The following GOLM2 variants were observed in gnomAD, a reference collection of about 807,000 sequenced individuals.
GOLM2 encodes golgi membrane protein 2.
Under a neutral mutation model 55.9 loss-of-function variants are expected in GOLM2, and 26 were observed. The observed-to-expected ratio is 0.47, with a 90% confidence interval of 0.34 to 0.65. GOLM2 has a LOEUF of 0.65. Ranked by LOEUF, GOLM2 falls within the 30% of genes least tolerant of loss-of-function variation. The pLI is 0.01. For missense variants in GOLM2, 486 were observed against 531.8 expected, an observed-to-expected ratio of 0.91 and a Z score of 0.85; for synonymous variants, 165 against 194.6, an observed-to-expected ratio of 0.85 and a Z score of 1.27.
chr15:44,332,224 T>A, intron 4 of GOLM2, 146 bp downstream of exon 4: 1 of 543,524 alleles, frequency 1.8e-6, no homozygotes, highest in Non-Finnish European at 3.3e-6. Context: ...AATGGCTTTA[T>A]TTCTGAGTAA....
chr15:44,362,783 C>T (rs925902606), intron 6 of GOLM2, among the ~76,000 whole-genome samples: 2,834 of 152,302 alleles, frequency 0.019, 80 homozygotes, highest in African/African-American at 0.065. Context: ...TGCTACCTGA[C>T]TTCAAACTAT....
At chr15:44,361,723 G>T (rs2079241280) in intron 6 of GOLM2, among the ~76,000 whole-genome samples, 1 of 152,088 alleles carries the variant, frequency 6.6e-6, no homozygotes, top group African/African-American at 2.4e-5. Context: ...TGATACCAAA[G>T]CCAGGCAGAG....
intron 1 of GOLM2, among the ~76,000 whole-genome samples, chr15:44,300,502 C>T (rs1230604918): frequency 6.6e-6 from 1 of 152,100 alleles, no homozygotes; most frequent in Non-Finnish European, 1.5e-5. Context: ...GATCATAAAA[C>T]AAGCTGCTTT....
chr15:44,290,721 C>G (rs1217498477), intron 1 of GOLM2, among the ~76,000 whole-genome samples: 1 of 152,200 alleles, frequency 6.6e-6, no homozygotes, highest in Non-Finnish European at 1.5e-5. Flanking sequence ...TCTCTGGTCT[C>G]AAAGGAAAGT....
chr15:44,332,213 C>T (rs946648411), intron 4 of GOLM2, 135 bp downstream of exon 4: 15 of 547,576 alleles, frequency 2.7e-5, no homozygotes, highest in African/African-American at 2.7e-4. Flanking sequence ...AAGTGATTTA[C>T]AATGGCTTTA....
intron 1 of GOLM2, among the ~76,000 whole-genome samples, chr15:44,293,150 C>T (rs2141103283): frequency 6.6e-6 from 1 of 152,244 alleles, no homozygotes; most frequent in South Asian, 2.1e-4. Context: ...AAAATTAGAT[C>T]TGGAAAACTA....
intron 6 of GOLM2, among the ~76,000 whole-genome samples, chr15:44,366,022 G>A (rs2079281057): frequency 6.6e-6 from 1 of 152,120 alleles, no homozygotes; most frequent in Non-Finnish European, 1.5e-5. Flanking sequence ...TCTTGGCCGA[G>A]CGCGGTGGCT....
intron 6 of GOLM2, among the ~76,000 whole-genome samples, chr15:44,373,363 A>G (rs1285335243): frequency 1.3e-5 from 2 of 151,866 alleles, no homozygotes; most frequent in East Asian, 1.9e-4. Context: ...AGGCTGAGGC[A>G]GGAGAATGGC....
At chr15:44,297,166 A>T (rs1412509270) in intron 1 of GOLM2, among the ~76,000 whole-genome samples, 4 of 151,996 alleles carry the variant, frequency 2.6e-5, no homozygotes, top group African/African-American at 7.2e-5. Context: ...TGATCGAATT[A>T]AAAAAAACGT....
In GOLM2 at chr15:44,395,710, C is replaced by T. The variant is rs772736669; in HGVS notation, c.1073-7177C>T. On this transcript the variant is annotated intron_variant, in intron 8 of 9. Coordinates refer to ENST00000299957, the MANE Select transcript of GOLM2 (RefSeq NM_138423.4). The stretch of plus-strand genomic sequence containing the variant: ...CAAAAATCAGCTGGGTGTGGTGGTA[C>T]GCGCCTGTAGTCCCACCTACTCAGG... Among the ~76,000 whole-genome samples, 10 of 151,694 alleles carry T rather than the reference C, an allele frequency of 6.6e-5. No individual in the cohort carries two copies. The South Asian group carries it at 1.0e-3, about 16-fold the overall frequency.
Position 44,379,704 on chromosome 15 carries a change from C to T in GOLM2, c.817C>T (p.Pro273Ser), listed in dbSNP as rs1190201243. 2 of 1,587,272 alleles carry T rather than the reference C, an allele frequency of 1.3e-6. No homozygotes were observed. The highest frequency in any genetic ancestry group is 8.6e-7 in the Non-Finnish European group (1 of 1,162,372). Residue 273 changes from proline to serine, a missense_variant, in exon 7 of 10, where the codon CCT becomes TCT. Coordinates refer to ENST00000299957, the MANE Select transcript of GOLM2 (RefSeq NM_138423.4). ...DDLPPALRKPPISVSQHESHQ... is the reference protein window; with the variant it reads ...DDLPPALRKPSISVSQHESHQ... ...TTTTCTTCTAGCTTTAAGGAAGCCT[C>T]CTATTTCAGTTTCTCAACATGAAAG...
At chr15:44,291,904 A>G (rs2078723329) in intron 1 of GOLM2, among the ~76,000 whole-genome samples, 1 of 152,216 alleles carries the variant, frequency 6.6e-6, no homozygotes, top group Admixed American at 6.5e-5. Flanking sequence ...GGAATTCATA[A>G]TGCCTGCTGG....
At chr15:44,398,599 G>A (rs947445065) in intron 8 of GOLM2, among the ~76,000 whole-genome samples, 1 of 151,266 alleles carries the variant, frequency 6.6e-6, no homozygotes, top group African/African-American at 2.4e-5. Flanking sequence ...GTGAATATAG[G>A]AGATTCTATA....
chr15:44,335,092 A>G (rs1203480313), intron 4 of GOLM2, among the ~76,000 whole-genome samples: 1 of 152,190 alleles, frequency 6.6e-6, no homozygotes, highest in East Asian at 1.9e-4. Flanking sequence ...GGATCCTGAA[A>G]CAGAAAAAGG....
chr15:44,372,219 C>T (rs2079333049), intron 6 of GOLM2, among the ~76,000 whole-genome samples: 1 of 152,304 alleles, frequency 6.6e-6, no homozygotes, highest in Non-Finnish European at 1.5e-5. Context: ...ACCCATGCCC[C>T]ATTCCCATGT....
At chr15:44,332,729 T>G (rs1024436064) in intron 4 of GOLM2, among the ~76,000 whole-genome samples, 1 of 152,160 alleles carries the variant, frequency 6.6e-6, no homozygotes. Flanking sequence ...GAAACACTTT[T>G]TCCTTTATCA....
intron 7 of GOLM2, 89 bp from the exon 8 acceptor site, chr15:44,380,717 C>T: frequency 2.2e-6 from 2 of 898,674 alleles, no homozygotes; most frequent in East Asian, 3.5e-5. Context: ...AATAGTGTGT[C>T]TTAGCTTTCT....
intron 9 of GOLM2, among the ~76,000 whole-genome samples, chr15:44,407,150 TTATAA>T (rs1367583407): frequency 1.4e-5 from 2 of 146,766 alleles, no homozygotes; most frequent in Non-Finnish European, 3.0e-5. Flanking sequence ...GGTTATATAT[TTATAA>T]TATATTTCTA....
chr15:44,348,359 A>T (rs2079138931), intron 6 of GOLM2, among the ~76,000 whole-genome samples: 1 of 151,768 alleles, frequency 6.6e-6, no homozygotes, highest in African/African-American at 2.4e-5. Flanking sequence ...TCACAAGATG[A>T]CTGAAGAGCC....
Sources: allele counts gnomAD v4.1 joint callset (sites outside exome capture counted in the v4.1 genomes callset), GRCh38; gene constraint gnomAD v4.1.1; transcripts MANE v1.5; gene names NCBI Gene and HGNC (gene_info 2026-07-23, HGNC 2026-07-21).